The following MUC7 variants were observed in gnomAD, a reference collection of about 807,000 sequenced individuals.
The protein encoded by MUC7 is mucin-7.
In MUC7, 2 loss-of-function variants were observed where a neutral mutation model predicts 2.5. The ratio of observed to expected loss-of-function variants is 0.81; its 90% confidence interval spans 0.33 to 2.55. MUC7 has a LOEUF of 2.55. Ranked by LOEUF, MUC7 falls within the 30% of genes most tolerant of loss-of-function variation. MUC7 has a pLI of 0.11. For missense variants in MUC7, 408 were observed against 455.6 expected (o/e 0.90, Z 0.95); for synonymous variants, 133 against 173.4 (o/e 0.77, Z 1.83).
chr4:70,449,672 T>C (rs531081224), intron 1 of MUC7, among the ~76,000 whole-genome samples: 1 of 152,270 alleles, frequency 6.6e-6, no homozygotes, highest in South Asian at 2.1e-4. Flanking sequence ...GCACCGCGAG[T>C]CAGTAATGCT....
At chr4:70,449,104 G>A (rs780709168) in intron 1 of MUC7, among the ~76,000 whole-genome samples, 20 of 152,108 alleles carry the variant, frequency 1.3e-4, no homozygotes, top group Admixed American at 2.0e-4. Flanking sequence ...TGGTATCAGG[G>A]TAATACTGAC....
chr4:70,452,213 T>A (rs1463101368), intron 1 of MUC7, among the ~76,000 whole-genome samples: 1 of 152,186 alleles, frequency 6.6e-6, no homozygotes, highest in Non-Finnish European at 1.5e-5. Context: ...ACTCAGCAAT[T>A]CTATGTCTTT....
chr4:70,470,505 TA>T (rs1560555940), upstream of MUC7, among the ~76,000 whole-genome samples: 1 of 152,226 alleles, frequency 6.6e-6, no homozygotes, highest in African/African-American at 2.4e-5. Context: ...GATATTCTTA[TA>T]TTTTTCCAAT....
intron 1 of MUC7, among the ~76,000 whole-genome samples, chr4:70,448,815 G>A (rs1355849256): frequency 1.3e-5 from 2 of 152,138 alleles, no homozygotes; most frequent in Non-Finnish European, 2.9e-5. Context: ...GGTTTCCTGT[G>A]CTTGTGAGGT....
rs778045270 is a variant in MUC7 at position 70,481,602 on chromosome 4, A to G, written c.858A>G (p.Thr286=). The change falls in exon 3 of 3, where the codon ACA becomes ACG. Residue 286 remains threonine (T), a synonymous_variant. Transcript: ENST00000304887. ...CAGAGACCACAGCTGCCCCACCCAC[A>G]CCTTCTGCAACTACACCAGCTCCAC... ...APPETTAAPP[T]PSATTPAPPS... The G allele has an allele frequency of 6.2e-7, 1 of 1,604,316 alleles. No homozygotes were observed. The highest frequency in any genetic ancestry group is 1.7e-5 in the Admixed American group (1 of 59,120).
intron 1 of MUC7, among the ~76,000 whole-genome samples, chr4:70,432,697 A>C (rs1290715642): frequency 6.6e-6 from 1 of 151,788 alleles, no homozygotes; most frequent in Non-Finnish European, 1.5e-5. Flanking sequence ...GTTTATTCTG[A>C]TAGTAGTTTC....
chr4:70,457,394 A>G (rs909928258), intron 1 of MUC7, among the ~76,000 whole-genome samples: 3 of 152,152 alleles, frequency 2.0e-5, no homozygotes, highest in Non-Finnish European at 2.9e-5. Flanking sequence ...CAGTAAGCTG[A>G]TTATGCCACA....
intron 1 of MUC7, among the ~76,000 whole-genome samples, chr4:70,444,249 CTT>C (rs1186343169): frequency 1.3e-5 from 2 of 152,182 alleles, no homozygotes; most frequent in Non-Finnish European, 2.9e-5. Flanking sequence ...ACATTTGATG[CTT>C]TAAACCCATC....
chr4:70,434,531 T>C (rs1015591679), intron 1 of MUC7, among the ~76,000 whole-genome samples: 1 of 152,194 alleles, frequency 6.6e-6, no homozygotes, highest in Non-Finnish European at 1.5e-5. Flanking sequence ...TATTCTCTGA[T>C]GGTAGCTTAT....
intron 1 of MUC7, among the ~76,000 whole-genome samples, chr4:70,434,707 C>T (rs930314712): frequency 1.3e-5 from 2 of 151,962 alleles, no homozygotes; most frequent in African/African-American, 4.8e-5. Flanking sequence ...GTGTCTCTAC[C>T]CCCTTCAGTT....
chr4:70,432,677 C>T (rs1215976234), intron 1 of MUC7, among the ~76,000 whole-genome samples: 1 of 152,026 alleles, frequency 6.6e-6, no homozygotes, highest in Non-Finnish European at 1.5e-5. Context: ...TCCCATTCTG[C>T]AGGTTGCCTG....
chr4:70,447,160 C>T (rs1343752645), intron 1 of MUC7, among the ~76,000 whole-genome samples: 1 of 152,138 alleles, frequency 6.6e-6, no homozygotes, highest in East Asian at 1.9e-4. Context: ...CCTTGATGTC[C>T]TGAGTTCATA....
At chr4:70,480,658 G>A (rs1480292949) in intron 2 of MUC7, 141 bp from the exon 3 acceptor site, 3 of 858,182 alleles carry the variant, frequency 3.5e-6, no homozygotes, top group Non-Finnish European at 5.2e-6. Context: ...AAATTAGGAA[G>A]ATAATCACTT....
intron 2 of MUC7, among the ~76,000 whole-genome samples, chr4:70,480,496 A>T (rs906411987): frequency 3.3e-5 from 5 of 152,200 alleles, no homozygotes; most frequent in African/African-American, 1.2e-4. Flanking sequence ...TTTCCACCAG[A>T]GGAAGAAGAG....
intron 1 of MUC7, among the ~76,000 whole-genome samples, chr4:70,462,190 T>C (rs374401895): frequency 1.3e-4 from 19 of 148,134 alleles, no homozygotes; most frequent in Admixed American, 4.1e-4. Flanking sequence ...CCAGTCTGGA[T>C]GACACACTAA....
intron 1 of MUC7, among the ~76,000 whole-genome samples, chr4:70,454,718 C>T (rs564004317): frequency 3.0e-4 from 45 of 152,252 alleles, no homozygotes; most frequent in African/African-American, 1.1e-3. Flanking sequence ...TCAGTGGAGG[C>T]TTTCATTAGG....
intron 1 of MUC7, among the ~76,000 whole-genome samples, chr4:70,461,786 A>T (rs1198593300): frequency 6.6e-6 from 1 of 151,856 alleles, no homozygotes. Flanking sequence ...AAAGGATATA[A>T]TAAAGGTGAA....
At chr4:70,465,591 C>A (rs749011792) in intron 1 of MUC7, among the ~76,000 whole-genome samples, 1 of 151,888 alleles carries the variant, frequency 6.6e-6, no homozygotes, top group Non-Finnish European at 1.5e-5. Context: ...ACGAGAACTT[C>A]GTGAAGCATA....
At chr4:70,433,690 T>C (rs1560542498) in intron 1 of MUC7, among the ~76,000 whole-genome samples, 1 of 152,210 alleles carries the variant, frequency 6.6e-6, no homozygotes, top group Non-Finnish European at 1.5e-5. Flanking sequence ...TTTGACTTCC[T>C]CTTTTCCTAA....
Sources: allele counts gnomAD v4.1 joint callset (sites outside exome capture counted in the v4.1 genomes callset), GRCh38; gene constraint gnomAD v4.1.1; transcripts MANE v1.5; gene names NCBI Gene and HGNC (gene_info 2026-07-23, HGNC 2026-07-21).